Variants in SLC25A12 observed in about 807,000 individuals in gnomAD.
The protein encoded by SLC25A12 is solute carrier family 25 member 12.
A neutral mutation model predicts 83.3 loss-of-function variants in SLC25A12; 32 were observed. The observed-to-expected ratio is 0.38, with a 90% confidence interval of 0.29 to 0.52. The LOEUF (loss-of-function observed/expected upper bound fraction) is 0.52. SLC25A12 is among the 20% of genes least tolerant of loss of function. SLC25A12 has a pLI of 0.84. For missense variants in SLC25A12, 611 were observed against 835.6 expected, an observed-to-expected ratio of 0.73 and a Z score of 3.31; for synonymous variants, 267 against 291.1, an observed-to-expected ratio of 0.92 and a Z score of 0.84.
intron 2 of SLC25A12, among the ~76,000 whole-genome samples, chr2:171,876,545 G>GGCA (rs35493684): frequency 1.8e-4 from 12 of 68,322 alleles, no homozygotes; most frequent in Admixed American, 1.6e-3. Context: ...TTTTTTTTTG[G>GGCA]GGGGGGGGGG....
intron 4 of SLC25A12, among the ~76,000 whole-genome samples, chr2:171,855,287 A>C (rs1371530491): frequency 5.9e-5 from 9 of 152,226 alleles, no homozygotes; most frequent in Non-Finnish European, 1.5e-5. Flanking sequence ...TAGAGGATTT[A>C]AATAAATTTC....
intron 2 of SLC25A12, among the ~76,000 whole-genome samples, chr2:171,878,082 T>G (rs1355642148): frequency 1.3e-5 from 2 of 152,198 alleles, no homozygotes; most frequent in Non-Finnish European, 2.9e-5. Context: ...CAGGTTATTT[T>G]GCATTCATTT....
In SLC25A12 at chr2:171,826,881, G is replaced by A. The variant is rs1439144531; in HGVS notation, c.847C>T (p.Arg283Cys). ...CTCTCAATATCTGCCAAAGTCAAGC[G>A]CCTTCAGGAAAAATATAGGAAAGAA... ...QLADLYNASGRLTLADIERIA... is the reference protein window; with the variant it reads ...QLADLYNASGCLTLADIERIA... The change falls in exon 9 of 18, where the codon CGC becomes TGC. Residue 283 changes from arginine to cysteine, a missense_variant and splice_region_variant. Coordinates refer to ENST00000422440, the MANE Select transcript of SLC25A12 (RefSeq NM_003705.5). 2 of 1,591,868 alleles carry A rather than the reference G, an allele frequency of 1.3e-6. No homozygotes were observed. Among genetic ancestry groups the A allele is most frequent in the East Asian group, 2.2e-5 (1 of 44,732 alleles).
intron 5 of SLC25A12, among the ~76,000 whole-genome samples, chr2:171,842,594 CA>C (rs949013150): frequency 6.6e-6 from 1 of 150,772 alleles, no homozygotes; most frequent in African/African-American, 2.4e-5. Context: ...AATTCTGTCT[CA>C]AAAAAAAGAA....
At position 171,894,170 on chromosome 2, in the gene SLC25A12, G is replaced by C. The variant is rs752479118; in HGVS notation, c.12+33C>G. 3 of 1,603,164 alleles carry C rather than the reference G, an allele frequency of 1.9e-6. No individual in the cohort carries two copies. The African/African-American group carries it at 4.0e-5, about 21-fold the overall frequency. Reference sequence around the variant, plus strand: ...GCAGGGCGCTCGGAATGTCTCTTATGCAATAAAAGCAGCAGCAGAGAGTTG... The same window carrying C: ...GCAGGGCGCTCGGAATGTCTCTTATCCAATAAAAGCAGCAGCAGAGAGTTG... On this transcript the variant is annotated intron_variant, in intron 1 of 17. Coordinates refer to ENST00000422440, the MANE Select transcript of SLC25A12 (RefSeq NM_003705.5).
intron 2 of SLC25A12, among the ~76,000 whole-genome samples, chr2:171,890,473 G>C (rs968496884): frequency 3.3e-5 from 4 of 122,812 alleles, no homozygotes; most frequent in Non-Finnish European, 5.2e-5. Flanking sequence ...TGTATCGTGT[G>C]TGTCTGTGTG....
chr2:171,800,325 A>T (rs937862492), intron 13 of SLC25A12, among the ~76,000 whole-genome samples: 6 of 96,172 alleles, frequency 6.2e-5, no homozygotes, highest in Non-Finnish European at 1.3e-4. Flanking sequence ...CAGATACTTC[A>T]CACACACACA....
intron 2 of SLC25A12, among the ~76,000 whole-genome samples, chr2:171,878,813 A>G (rs934413543): frequency 1.3e-5 from 2 of 152,226 alleles, no homozygotes; most frequent in African/African-American, 4.8e-5. Context: ...AGAGGACAAT[A>G]TGTACCAAGG....
intron 2 of SLC25A12, among the ~76,000 whole-genome samples, chr2:171,871,446 T>C (rs1377746686): frequency 1.3e-5 from 2 of 152,204 alleles, no homozygotes; most frequent in Non-Finnish European, 2.9e-5. Context: ...GCGCCTTTAG[T>C]CACATCTACC....
At chr2:171,890,162 T>C (rs1574011455) in intron 2 of SLC25A12, among the ~76,000 whole-genome samples, 1 of 152,228 alleles carries the variant, frequency 6.6e-6, no homozygotes, top group Non-Finnish European at 1.5e-5. Context: ...ATATTCGACT[T>C]GGTGTCTGCT....
Position 171,837,284 on chromosome 2 carries a change from A to C in SLC25A12, c.466-17T>G. ...TTGCAGCTCCTGTGAGGAAATTAGA[A>C]ATAGGGCATTAAGCTGGTTAAACAC... On this transcript the variant is annotated splice_polypyrimidine_tract_variant and intron_variant, in intron 5 of 17. Coordinates refer to ENST00000422440, the MANE Select transcript of SLC25A12 (RefSeq NM_003705.5). 3 of 1,613,936 alleles carry C rather than the reference A, an allele frequency of 1.9e-6. No homozygotes were observed. Among genetic ancestry groups the C allele is most frequent in the Non-Finnish European group, 2.5e-6 (3 of 1,179,862 alleles).
intron 13 of SLC25A12, among the ~76,000 whole-genome samples, chr2:171,802,297 C>T (rs1683724589): frequency 6.6e-6 from 1 of 152,178 alleles, no homozygotes; most frequent in Non-Finnish European, 1.5e-5. Flanking sequence ...TGAGCCACCA[C>T]ACCTAGCCAA....
intron 4 of SLC25A12, among the ~76,000 whole-genome samples, chr2:171,852,400 T>C (rs1181062959): frequency 6.6e-6 from 1 of 152,214 alleles, no homozygotes; most frequent in African/African-American, 2.4e-5. Context: ...ACAGATAACA[T>C]TATCATCATA....
At chr2:171,810,139 G>A in intron 12 of SLC25A12, 85 bp downstream of exon 12, 1 of 1,147,282 alleles carries the variant, frequency 8.7e-7, no homozygotes, top group East Asian at 2.3e-5. Context: ...ATAGGCATGA[G>A]CTACCACGCC....
chr2:171,807,681 G>A (rs34221876), intron 13 of SLC25A12, among the ~76,000 whole-genome samples: 36,745 of 152,160 alleles, frequency 0.24, 5,387 homozygotes, highest in Middle Eastern at 0.36. Context: ...CTCTAGATAA[G>A]AACCAATTAC....
At chr2:171,808,344 C>T (rs1196567483) in intron 13 of SLC25A12, among the ~76,000 whole-genome samples, 1 of 149,454 alleles carries the variant, frequency 6.7e-6, no homozygotes, top group African/African-American at 2.5e-5. Context: ...ACTTTAAAGA[C>T]AGAAACCTTT....
At chr2:171,875,155 G>A (rs189240788) in intron 2 of SLC25A12, among the ~76,000 whole-genome samples, 32 of 152,162 alleles carry the variant, frequency 2.1e-4, no homozygotes, top group Admixed American at 1.9e-3. Flanking sequence ...GTTGCTTTCC[G>A]CAACCAATCA....
chr2:171,835,342 A>AT (rs1684532845), intron 6 of SLC25A12, among the ~76,000 whole-genome samples: 1 of 152,218 alleles, frequency 6.6e-6, no homozygotes, highest in Non-Finnish European at 1.5e-5. Flanking sequence ...ACTTTTCCTA[A>AT]TTTTTAAGGC....
intron 15 of SLC25A12, chr2:171,789,038 CTCT>C (rs1690542053): frequency 6.6e-6 from 1 of 152,270 alleles, no homozygotes; most frequent in Non-Finnish European, 1.5e-5. Flanking sequence ...CACAATTAGA[CTCT>C]TCTTCTCTGG....
Sources: gnomAD v4.1 joint callset for allele counts (sites outside exome capture counted in the v4.1 genomes callset) on GRCh38, gnomAD v4.1.1 for gene constraint, MANE v1.5 for transcripts, NCBI Gene and HGNC (gene_info 2026-07-23, HGNC 2026-07-21) for gene names.